Variants in IL1RAPL1 observed in about 807,000 individuals in gnomAD.
IL1RAPL1 encodes interleukin 1 receptor accessory protein like 1.
A neutral mutation model predicts 48.4 loss-of-function variants in IL1RAPL1; 3 were observed. The observed-to-expected ratio is 0.06, with a 90% CI of 0.03 to 0.16. The LOEUF (loss-of-function observed/expected upper bound fraction) is 0.16. Ranked by LOEUF, IL1RAPL1 falls within the 10% of genes least tolerant of loss-of-function variation. IL1RAPL1 has a pLI of 1.00. For synonymous variants in IL1RAPL1, 185 were observed against 187.7 expected (o/e 0.99, Z 0.12); for missense variants, 349 against 530.6 (o/e 0.66, Z 3.36).
chrX:29,205,761 G>A (rs938059575), intron 2 of IL1RAPL1, among the ~76,000 whole-genome samples: 1 of 108,992 alleles, frequency 9.2e-6, no homozygotes, highest in Non-Finnish European at 1.9e-5. Flanking sequence ...TTGAGATGGA[G>A]TCTCACTCTG....
At chrX:29,305,243 C>A (rs748172351) in intron 3 of IL1RAPL1, among the ~76,000 whole-genome samples, 4 of 112,396 alleles carry the variant, frequency 3.6e-5, no homozygotes, top group South Asian at 7.3e-4. Context: ...TAACTGAGAT[C>A]AAACTTTGAT....
At position 28,853,134 on chromosome X, in the gene IL1RAPL1, GA is replaced by G. The variant is rs68175040; in HGVS notation, c.82+63712del. Among the ~76,000 whole-genome samples the G allele has an allele frequency of 0.52, 56,969 of 109,853 alleles. 12,441 individuals are homozygous for G. Among genetic ancestry groups the G allele is most frequent in the African/African-American group, 0.83 (24,939 of 30,203 alleles). On this transcript the variant is annotated intron_variant, in intron 2 of 10. Coordinates refer to ENST00000378993, the MANE Select transcript of IL1RAPL1 (RefSeq NM_014271.4). ...TAATAGTTTTGTACAGCATGGGGTG[GA>G]AATGAGCAGAGCAGTTTACAAAAGA...
intron 3 of IL1RAPL1, among the ~76,000 whole-genome samples, chrX:29,352,237 T>C (rs150280207): frequency 0.013 from 1,466 of 111,422 alleles, 25 homozygotes; most frequent in African/African-American, 0.043. Context: ...CTGTAGGTAC[T>C]GTATTTCTTT....
intron 2 of IL1RAPL1, among the ~76,000 whole-genome samples, chrX:28,996,321 C>T (rs1322761001): frequency 1.8e-5 from 2 of 111,634 alleles, no homozygotes; most frequent in Non-Finnish European, 3.8e-5. Context: ...ACACATCGTC[C>T]ATTATATGGA....
At chrX:29,564,893 G>A (rs948797297) in intron 5 of IL1RAPL1, among the ~76,000 whole-genome samples, 7 of 112,250 alleles carry the variant, frequency 6.2e-5, no homozygotes, top group African/African-American at 2.3e-4. Flanking sequence ...GGTATCCACA[G>A]GAGGCTGCAG....
intron 2 of IL1RAPL1, among the ~76,000 whole-genome samples, chrX:29,177,928 C>T (rs896074971): frequency 1.8e-5 from 2 of 111,897 alleles, no homozygotes; most frequent in Non-Finnish European, 3.8e-5. Flanking sequence ...TGAATTCATC[C>T]TTTTTTATGG....
intron 8 of IL1RAPL1, among the ~76,000 whole-genome samples, chrX:29,931,481 A>G (rs1279994046): frequency 9.0e-6 from 1 of 111,678 alleles, no homozygotes; most frequent in African/African-American, 3.2e-5. Flanking sequence ...TAAGTCAGAA[A>G]TCCATTAAAC....
At chrX:29,488,160 C>T (rs1303258660) in intron 5 of IL1RAPL1, among the ~76,000 whole-genome samples, 3 of 112,359 alleles carry the variant, frequency 2.7e-5, no homozygotes, top group South Asian at 3.6e-4. Context: ...CAGAAGCTGG[C>T]GGAGCATGGT....
Position 29,562,052 on chromosome X carries a change from C to T in IL1RAPL1, c.704-106378C>T, listed in dbSNP as rs184841989. 8.6e-3 allele frequency among the ~76,000 whole-genome samples: 869 copies of T among 101,138 alleles called. 7 individuals are homozygous for T. The highest frequency in any genetic ancestry group is 0.034 in the African/African-American group (826 of 24,140). The allele number at this position is 101,138 out of a possible 115,157, so 87.8% of individuals were successfully genotyped here. A position where few individuals can be genotyped will look rare whatever the true frequency, so the allele number is the denominator to read the frequency against. On this transcript the variant is annotated intron_variant, in intron 5 of 10. Transcript: ENST00000378993. Reference sequence around the variant, plus strand: ...TTTTCAATTCTATCTATCTATCTATCTATCTATCTATCTATCTATCTATCT... The same window carrying T: ...TTTTCAATTCTATCTATCTATCTATTTATCTATCTATCTATCTATCTATCT...
chrX:28,684,182 C>A (rs1055891635), intron 1 of IL1RAPL1, among the ~76,000 whole-genome samples: 3 of 112,245 alleles, frequency 2.7e-5, no homozygotes, highest in Non-Finnish European at 3.8e-5. Flanking sequence ...TTAAAGATGG[C>A]ACCTTATATT....
intron 5 of IL1RAPL1, among the ~76,000 whole-genome samples, chrX:29,406,249 C>T (rs868588022): frequency 1.3e-3 from 142 of 110,230 alleles, no homozygotes; most frequent in African/African-American, 4.6e-3. Flanking sequence ...ATTAGCCGGG[C>T]GTGGTGGTGG....
At position 28,873,688 on chromosome X, in the gene IL1RAPL1, CAG is replaced by C. The variant is rs1569190447; in HGVS notation, c.82+84264_82+84265del. 3.9e-4 allele frequency among the ~76,000 whole-genome samples: 42 copies of C among 107,879 alleles called. No individual in the cohort carries two copies. In the East Asian group the frequency reaches 8.5e-3, roughly 22 times the overall value. The allele number at this position is 107,879 out of a possible 115,157, so 93.7% of individuals were successfully genotyped here. A position where few individuals can be genotyped will look rare whatever the true frequency, so the allele number is the denominator to read the frequency against. On this transcript the variant is annotated intron_variant, in intron 2 of 10. Coordinates refer to ENST00000378993, the MANE Select transcript of IL1RAPL1 (RefSeq NM_014271.4). Reference sequence around the variant, plus strand: ...CTGGGACTACAGGAGCCCGCCACCACAGCCGGCTAATTTTTTGTATTTTTAGT... The same window carrying C: ...CTGGGACTACAGGAGCCCGCCACCACCCGGCTAATTTTTTGTATTTTTAGT...
intron 6 of IL1RAPL1, among the ~76,000 whole-genome samples, chrX:29,862,909 G>C (rs1002326732): frequency 1.3e-4 from 13 of 102,908 alleles, no homozygotes; most frequent in Non-Finnish European, 2.3e-4. Context: ...CAGATGTTTA[G>C]CCAGGTGATT....
rs1928932278 is a variant in IL1RAPL1, at chrX:29,767,017, C to A, written c.778+98513C>A. On this transcript the variant is annotated intron_variant, in intron 6 of 10. Coordinates refer to ENST00000378993, the MANE Select transcript of IL1RAPL1 (RefSeq NM_014271.4). Reference sequence around the variant, plus strand: ...CTTTACAGTTGTTCCTCACTCTCCACTTTGCTCCAGGATTTAATCAAGAGC... The same window carrying A: ...CTTTACAGTTGTTCCTCACTCTCCAATTTGCTCCAGGATTTAATCAAGAGC... Among the ~76,000 whole-genome samples, 3 of 110,684 alleles carry A rather than the reference C, an allele frequency of 2.7e-5. No homozygotes were observed. The South Asian group carries it at 1.1e-3, about 41-fold the overall frequency.
chrX:29,579,592 G>T (rs760795275), intron 5 of IL1RAPL1, among the ~76,000 whole-genome samples: 1 of 111,933 alleles, frequency 8.9e-6, no homozygotes, highest in Admixed American at 9.5e-5. Context: ...GGCAAGATGT[G>T]TTTTAAAATT....
intron 6 of IL1RAPL1, among the ~76,000 whole-genome samples, chrX:29,880,273 C>G (rs1039914561): frequency 2.7e-5 from 3 of 111,775 alleles, no homozygotes; most frequent in African/African-American, 9.7e-5. Context: ...GGAACTTGCT[C>G]TATACTTTAA....
intron 8 of IL1RAPL1, among the ~76,000 whole-genome samples, chrX:29,936,195 A>C (rs1414408150): frequency 9.0e-6 from 1 of 110,659 alleles, no homozygotes; most frequent in African/African-American, 3.3e-5. Context: ...TCCTCCTGCC[A>C]GGAACAAATA....
intron 5 of IL1RAPL1, among the ~76,000 whole-genome samples, chrX:29,458,716 A>T (rs1934768535): frequency 1.3e-5 from 1 of 79,467 alleles, no homozygotes; most frequent in Non-Finnish European, 2.4e-5. Context: ...GAGATCAGAG[A>T]ACGTTTTTGT....
intron 2 of IL1RAPL1, among the ~76,000 whole-genome samples, chrX:28,807,728 G>A (rs914062064): frequency 4.5e-5 from 5 of 110,994 alleles, no homozygotes; most frequent in East Asian, 2.8e-4. Flanking sequence ...ATAGATGTAC[G>A]CCATTTGTTC....
Sources: gnomAD v4.1 joint callset for allele counts (sites outside exome capture counted in the v4.1 genomes callset) on GRCh38, gnomAD v4.1.1 for gene constraint, MANE v1.5 for transcripts, NCBI Gene and HGNC (gene_info 2026-07-23, HGNC 2026-07-21) for gene names.